The following GARS1 variants were observed in gnomAD, a reference collection of about 807,000 sequenced individuals.
GARS1 encodes the protein glycine--tRNA ligase.
GARS1 carries 46 observed loss-of-function variants against 86.4 expected under a neutral mutation model. The ratio of observed to expected loss-of-function variants is 0.53; its 90% CI spans 0.42 to 0.68. GARS1 has a LOEUF of 0.68. Ranked by LOEUF, GARS1 falls within the 30% of genes least tolerant of loss-of-function variation. GARS1 has a pLI of 0.00. For synonymous variants in GARS1, 342 were observed against 329.8 expected, an observed-to-expected ratio of 1.04 and a Z score of -0.40; for missense variants, 797 against 915.6, an observed-to-expected ratio of 0.87 and a Z score of 1.67.
chr7:30,605,977 T>G (rs1015549977), intron 6 of GARS1, among the ~76,000 whole-genome samples: 10 of 152,226 alleles, frequency 6.6e-5, no homozygotes, highest in African/African-American at 2.4e-4. Context: ...TGTATGGCCT[T>G]CCTTCATTCC....
intron 1 of GARS1, 73 bp downstream of exon 1, chr7:30,595,216 C>T (rs947065640): frequency 1.5e-5 from 20 of 1,317,528 alleles, no homozygotes; most frequent in Non-Finnish European, 2.1e-5. Context: ...ATCCTTCCCT[C>T]CTCCCCGGGG....
rs763782424 is a variant in GARS1 at position 30,609,568 on chromosome 7, C to T, written c.736-17C>T. 5 of 1,607,860 alleles carry T rather than the reference C, an allele frequency of 3.1e-6. No homozygotes were observed. In the South Asian group the frequency reaches 5.5e-5, roughly 18 times the overall value. ...TTTTCTCTGTCTTTTACACTAATTT[C>T]TTTATATGTCTTTTAGCTTGATAAC... On this transcript the variant is annotated splice_polypyrimidine_tract_variant and intron_variant, in intron 6 of 16. Transcript: ENST00000389266.
rs924559604 is a variant in GARS1, at chr7:30,595,278, T to G, written c.222+135T>G. ...TTCTTTCCCTTCATCCTCTGGCGTC[T>G]TCTTCGCCTCCCCCACTTTGGTCCC... On this transcript the variant is annotated intron_variant, in intron 1 of 16. Coordinates refer to ENST00000389266, the MANE Select transcript of GARS1 (RefSeq NM_002047.4). 2.2e-5 allele frequency: 20 copies of G among 889,836 alleles called. No individual in the cohort carries two copies. In the South Asian group the frequency reaches 3.0e-4, roughly 13 times the overall value. 55.1% of individuals were successfully genotyped at this position (889,836 alleles called of 1,614,324 possible).
At chr7:30,619,120 C>G (rs985241480) in intron 10 of GARS1, among the ~76,000 whole-genome samples, 2 of 152,214 alleles carry the variant, frequency 1.3e-5, no homozygotes, top group Non-Finnish European at 2.9e-5. Context: ...GCTTAAGTCT[C>G]ACAGCCAGTG....
intron 13 of GARS1, among the ~76,000 whole-genome samples, chr7:30,627,698 AG>A (rs1783154445): frequency 6.6e-6 from 1 of 152,222 alleles, no homozygotes; most frequent in Admixed American, 6.5e-5. Flanking sequence ...CTCTCCCCTA[AG>A]GGCGTCCTGA....
In GARS1 at chr7:30,612,171, G is replaced by A; in HGVS notation, c.957G>A (p.Leu319=). The change falls in exon 8 of 17, where the codon TTG becomes TTA. Residue 319 remains leucine (L), a synonymous_variant. Coordinates refer to ENST00000389266, the MANE Select transcript of GARS1 (RefSeq NM_002047.4). ...TTTTGGAGTTCAACCAAGGAAAGTT[G>A]CCTTTTGCTGCTGCCCAGATTGGAA... ...KRLLEFNQGK[L]PFAAAQIGNS... 2.5e-6 allele frequency: 4 copies of A among 1,614,032 alleles called. No individual in the cohort carries two copies. Among genetic ancestry groups the A allele is most frequent in the Non-Finnish European group, 3.4e-6 (4 of 1,179,916 alleles).
At position 30,632,056 on chromosome 7, in the gene GARS1, T is replaced by C. The variant is rs755404739; in HGVS notation, c.1904-191T>C. On this transcript the variant is annotated intron_variant, in intron 15 of 16. Transcript: ENST00000389266. The surrounding 1 kb of genome is among the most constrained non-coding windows in gnomAD (Gnocchi z 4.1). ...CCTATAGCTGTATCAGATGGAGGTA[T>C]GAGTGAAGATTTGGATTCCCGCAAG... is the stretch of plus-strand genomic sequence containing the variant. 1.5e-4 allele frequency: 92 copies of C among 623,424 alleles called. No homozygotes were observed. Among genetic ancestry groups the C allele is most frequent in the Non-Finnish European group, 2.3e-4 (82 of 350,756 alleles). 38.6% of individuals were successfully genotyped at this position (623,424 alleles called of 1,614,324 possible).
In GARS1 at chr7:30,615,607, A is replaced by G. The variant is rs188175342; in HGVS notation, c.1032-289A>G. On this transcript the variant is annotated intron_variant, in intron 8 of 16. Coordinates refer to ENST00000389266, the MANE Select transcript of GARS1 (RefSeq NM_002047.4). Reference sequence around the variant, plus strand: ...TAGATCATGTTTATTTTAAATAGTGAGTAATAAAATTTTCATTAATGTGTT... The same window carrying G: ...TAGATCATGTTTATTTTAAATAGTGGGTAATAAAATTTTCATTAATGTGTT... 3.2e-3 allele frequency among the ~76,000 whole-genome samples: 495 copies of G among 152,342 alleles called. 2 individuals are homozygous for G. The highest frequency in any genetic ancestry group is 6.1e-3 in the Non-Finnish European group (415 of 68,028).
At chr7:30,622,675 T>G in intron 12 of GARS1, 1 of 546,334 alleles carries the variant, frequency 1.8e-6, no homozygotes, top group South Asian at 2.0e-5. Flanking sequence ...AGTAACTGTC[T>G]TAAACAAAGA....
At chr7:30,631,301 T>C in intron 14 of GARS1, 147 bp from the exon 15 acceptor site, 2 of 618,622 alleles carry the variant, frequency 3.2e-6, no homozygotes, top group Admixed American at 2.3e-5. Context: ...TTTGCCATAC[T>C]GCTTTTCATG....
chr7:30,600,998 C>T, intron 3 of GARS1, 61 bp from the exon 4 acceptor site: 3 of 1,524,126 alleles, frequency 2.0e-6, no homozygotes, highest in Non-Finnish European at 9.1e-7. Context: ...CTCATGTCTC[C>T]TTGCCTTCAT....
intron 12 of GARS1, among the ~76,000 whole-genome samples, chr7:30,624,185 T>C (rs1328487440): frequency 1.3e-5 from 2 of 152,144 alleles, no homozygotes; most frequent in East Asian, 1.9e-4. Context: ...TTCTTTCTAG[T>C]GTGGCCCAGG....
intron 1 of GARS1, 146 bp from the exon 2 acceptor site, chr7:30,598,650 C>T (rs1791310278): frequency 4.3e-6 from 3 of 689,952 alleles, no homozygotes; most frequent in Non-Finnish European, 7.9e-6. Context: ...TTTCAAAGTG[C>T]TGGTATTACA....
At chr7:30,621,704 G>A in intron 11 of GARS1, 1 of 603,566 alleles carries the variant, frequency 1.7e-6, no homozygotes, top group Non-Finnish European at 2.9e-6. Context: ...CCCACTCAAT[G>A]TTTGGCCTTT....
chr7:30,602,319 C>T (rs751218013), intron 4 of GARS1, among the ~76,000 whole-genome samples: 2 of 152,120 alleles, frequency 1.3e-5, no homozygotes, highest in Non-Finnish European at 1.5e-5. Flanking sequence ...CCTCGTGATC[C>T]GCCTGCCTCG....
rs1011187869 is a variant in GARS1, at chr7:30,632,567, T to C, written c.2094+130T>C. ...CTTTTTAATTTTAATGAACGGCTTG[T>C]ATCAGACAGAGCCCAGATTCTCAAG... On this transcript the variant is annotated intron_variant, in intron 16 of 16. Coordinates refer to ENST00000389266, the MANE Select transcript of GARS1 (RefSeq NM_002047.4). The surrounding 1 kb of genome is among the most constrained non-coding windows in gnomAD (Gnocchi z 4.1). The C allele has an allele frequency of 7.5e-5, 70 of 927,298 alleles. No individual in the cohort carries two copies. The highest frequency in any genetic ancestry group is 1.0e-4 in the Non-Finnish European group (62 of 592,342). 57.4% of individuals were successfully genotyped at this position (927,298 alleles called of 1,614,324 possible). A position where few individuals can be genotyped will look rare whatever the true frequency, so the allele number is the denominator to read the frequency against.
chr7:30,615,477 A>C (rs964606878), intron 8 of GARS1, among the ~76,000 whole-genome samples: 10 of 152,196 alleles, frequency 6.6e-5, no homozygotes, highest in African/African-American at 2.4e-4. Context: ...ATGTTTTCCT[A>C]ATTTAAAAAA....
At position 30,602,961 on chromosome 7, in the gene GARS1, ATTATC is replaced by A. The variant is rs141443294; in HGVS notation, c.570-68_570-64del. ...AGATGGATATAAATATTGATGGGGA[ATTATC>A]TTATAAGGTAATATCTATGTGTAAT... is the stretch of plus-strand genomic sequence containing the variant. On this transcript the variant is annotated intron_variant, in intron 4 of 16. Coordinates refer to ENST00000389266, the MANE Select transcript of GARS1 (RefSeq NM_002047.4). 7.1e-3 allele frequency: 7,170 copies of A among 1,005,702 alleles called. 291 individuals are homozygous for A. The African/African-American group carries it at 0.093, about 13-fold the overall frequency. The allele number at this position is 1,005,702 out of a possible 1,614,324, so 62.3% of individuals were successfully genotyped here. A position where few individuals can be genotyped will look rare whatever the true frequency, so the allele number is the denominator to read the frequency against.
intron 9 of GARS1, among the ~76,000 whole-genome samples, chr7:30,616,750 C>T (rs1010121904): frequency 4.6e-5 from 7 of 152,168 alleles, no homozygotes; most frequent in Non-Finnish European, 8.8e-5. Flanking sequence ...CTCAACGTGT[C>T]ATTACTTTGG....
Sources: allele counts gnomAD v4.1 joint callset (sites outside exome capture counted in the v4.1 genomes callset), GRCh38; gene constraint gnomAD v4.1.1; non-coding constraint Gnocchi (gnomAD v3.1); transcripts MANE v1.5; gene names NCBI Gene and HGNC (gene_info 2026-07-23, HGNC 2026-07-21).